The following EFCAB5 variants were observed in gnomAD, a reference collection of about 807,000 sequenced individuals.
The protein encoded by EFCAB5 is EF-hand calcium-binding domain-containing protein 5.
A neutral mutation model predicts 167.9 loss-of-function variants in EFCAB5; 131 were observed. The ratio of observed to expected loss-of-function variants is 0.78; its 90% CI spans 0.68 to 0.90. The LOEUF (loss-of-function observed/expected upper bound fraction) is 0.90, where lower values mean the gene tolerates loss of function less well. EFCAB5 is among the 40% of genes least tolerant of loss of function. The pLI, the probability that EFCAB5 is intolerant of heterozygous loss-of-function variation, is 0.00. For missense variants in EFCAB5, 1,663 were observed against 1,745.2 expected (o/e 0.95, Z 0.84); for synonymous variants, 574 against 602.8 (o/e 0.95, Z 0.70).
intron 4 of EFCAB5, among the ~76,000 whole-genome samples, chr17:29,975,323 A>G (rs576668004): frequency 2.0e-5 from 3 of 151,912 alleles, no homozygotes; most frequent in Admixed American, 2.0e-4. Flanking sequence ...GCAATGGCAC[A>G]ATCTCAGCTC....
At chr17:30,020,123 G>A (rs1304065057) in intron 7 of EFCAB5, among the ~76,000 whole-genome samples, 1 of 151,868 alleles carries the variant, frequency 6.6e-6, no homozygotes, top group Non-Finnish European at 1.5e-5. Flanking sequence ...CTTTTTTAAG[G>A]CCAAATTATA....
chr17:29,961,885 G>A (rs1019859797), intron 3 of EFCAB5, among the ~76,000 whole-genome samples: 6 of 152,080 alleles, frequency 3.9e-5, no homozygotes, highest in Middle Eastern at 3.2e-3. Context: ...TAAGGTAAAG[G>A]ACCAACTTCA....
intron 14 of EFCAB5, among the ~76,000 whole-genome samples, chr17:30,063,505 C>G (rs905505914): frequency 6.6e-6 from 1 of 152,204 alleles, no homozygotes; most frequent in African/African-American, 2.4e-5. Context: ...ATCACAGCTA[C>G]AGCCCAGCCT....
intron 3 of EFCAB5, among the ~76,000 whole-genome samples, chr17:29,965,331 C>T (rs561664135): frequency 6.6e-5 from 10 of 151,826 alleles, no homozygotes; most frequent in African/African-American, 1.9e-4. Context: ...TAGCTTTGTG[C>T]GTTTTCTAGT....
chr17:29,983,949 G>T (rs553048677), intron 4 of EFCAB5, among the ~76,000 whole-genome samples: 1 of 152,130 alleles, frequency 6.6e-6, no homozygotes, highest in Admixed American at 6.6e-5. Flanking sequence ...ATGGGAAAAT[G>T]ACAGAAAACC....
intron 7 of EFCAB5, among the ~76,000 whole-genome samples, chr17:30,001,768 T>A (rs1312699341): frequency 6.6e-6 from 1 of 152,348 alleles, no homozygotes; most frequent in Non-Finnish European, 1.5e-5. Flanking sequence ...TAACACTATA[T>A]TTTTTTGTGT....
At chr17:29,930,023 G>T in intron 1 of EFCAB5, 1 of 1,585,352 alleles carries the variant, frequency 6.3e-7, no homozygotes, top group South Asian at 1.2e-5. Flanking sequence ...GGGTTGTTCC[G>T]GGCAGGGCAT....
chr17:29,990,311 C>T (rs1302073361), intron 4 of EFCAB5, among the ~76,000 whole-genome samples: 3 of 152,104 alleles, frequency 2.0e-5, no homozygotes, highest in Non-Finnish European at 4.4e-5. Context: ...GGATGTTTAT[C>T]AGTAATTTGA....
chr17:30,092,114 T>C lies in EFCAB5; in HGVS notation c.4181T>C (p.Leu1394Ser). The C allele has an allele frequency of 6.2e-7, 1 of 1,613,818 alleles. No individual in the cohort carries two copies. The highest frequency in any genetic ancestry group is 8.5e-7 in the Non-Finnish European group (1 of 1,179,736). ...KAVILFFHPE[L>S]EFSSDFGSWD... ...GTTATCTTGTTCTTTCATCCAGAGT[T>C]GGAATTTTCAAGTGACTTTGGAAGT... Residue 1394 changes from leucine to serine, a missense_variant, in exon 21 of 23, where the codon TTG becomes TCG. By Grantham distance (145) the Leu-to-Ser change is moderately radical (BLOSUM62 -2). Transcript: ENST00000394835.
chr17:30,065,671 G>T (rs1285687481), intron 14 of EFCAB5: 1 of 151,852 alleles, frequency 6.6e-6, no homozygotes, highest in African/African-American at 2.4e-5. Flanking sequence ...AAAAAAGAAA[G>T]AAAGAAAGAA....
intron 3 of EFCAB5, among the ~76,000 whole-genome samples, chr17:29,944,748 C>T (rs999840792): frequency 4.0e-5 from 6 of 151,714 alleles, no homozygotes; most frequent in African/African-American, 1.5e-4. Context: ...CTCAGCCTCC[C>T]GAGTAGCTGG....
At chr17:30,079,220 G>C (rs1003073871) in intron 15 of EFCAB5, among the ~76,000 whole-genome samples, 2 of 152,158 alleles carry the variant, frequency 1.3e-5, no homozygotes, top group African/African-American at 2.4e-5. Flanking sequence ...TGGAAATGGG[G>C]CACCGGGACC....
intron 3 of EFCAB5, among the ~76,000 whole-genome samples, chr17:29,967,591 A>G (rs2067856787): frequency 6.6e-6 from 1 of 152,190 alleles, no homozygotes; most frequent in African/African-American, 2.4e-5. Flanking sequence ...CCCCTGCTTT[A>G]CATTTTTCAG....
chr17:30,010,767 T>G (rs1383111407), intron 7 of EFCAB5, among the ~76,000 whole-genome samples: 2 of 152,182 alleles, frequency 1.3e-5, no homozygotes, highest in African/African-American at 2.4e-5. Context: ...CCTGTTCACT[T>G]TGATGGTAGT....
chr17:30,096,677 A>ATATATTTT (rs1193558323), intron 22 of EFCAB5, among the ~76,000 whole-genome samples: 16 of 60,122 alleles, frequency 2.7e-4, no homozygotes, highest in African/African-American at 1.3e-3. Context: ...ATATATATAT[A>ATATATTTT]TTTTTTTTTT....
At chr17:29,959,270 T>A (rs1684824057) in intron 3 of EFCAB5, among the ~76,000 whole-genome samples, 1 of 152,126 alleles carries the variant, frequency 6.6e-6, no homozygotes, top group South Asian at 2.1e-4. Context: ...AGTCTAGAAA[T>A]GCTGTCCAGG....
intron 7 of EFCAB5, among the ~76,000 whole-genome samples, chr17:30,023,313 A>C (rs2069229796): frequency 6.6e-6 from 1 of 152,160 alleles, no homozygotes; most frequent in African/African-American, 2.4e-5. Context: ...ACGAGAGAAG[A>C]ATCAAATAGA....
intron 3 of EFCAB5, among the ~76,000 whole-genome samples, chr17:29,964,940 C>T (rs1460555617): frequency 2.6e-5 from 4 of 151,080 alleles, no homozygotes; most frequent in South Asian, 2.1e-4. Flanking sequence ...CTCACTCTGT[C>T]GTCCAGGCTA....
chr17:30,050,259 C>T (rs191411739), intron 8 of EFCAB5, among the ~76,000 whole-genome samples: 75 of 151,720 alleles, frequency 4.9e-4, no homozygotes, highest in Non-Finnish European at 8.1e-4. Context: ...CTCAGCCTCC[C>T]GAGTAGCTGG....
Sources: allele counts gnomAD v4.1 joint callset (sites outside exome capture counted in the v4.1 genomes callset), GRCh38; gene constraint gnomAD v4.1.1; transcripts MANE v1.5; gene names NCBI Gene and HGNC (gene_info 2026-07-23, HGNC 2026-07-21).